Variants in SYT12 observed in about 807,000 individuals in gnomAD.
SYT12 encodes the protein synaptotagmin 12.
Under a neutral mutation model 39.5 loss-of-function variants are expected in SYT12, and 27 were observed. The observed-to-expected ratio is 0.68, with a 90% CI of 0.50 to 0.94. The LOEUF is 0.94. Ranked by LOEUF, SYT12 falls within the 40% of genes least tolerant of loss-of-function variation. The pLI is 0.00. For synonymous variants in SYT12, 233 were observed against 239.7 expected (o/e 0.97, Z 0.26); for missense variants, 536 against 572.6 (o/e 0.94, Z 0.65).
intron 7 of SYT12, among the ~76,000 whole-genome samples, chr11:67,047,565 G>A (rs1854597305): frequency 6.6e-6 from 1 of 150,584 alleles, no homozygotes; most frequent in Non-Finnish European, 1.5e-5. Flanking sequence ...ACCATGCCCA[G>A]CCAGAACAAA....
intron 1 of SYT12, chr11:67,029,902 A>G: frequency 2.0e-6 from 1 of 500,730 alleles, no homozygotes; most frequent in Non-Finnish European, 3.5e-6. Context: ...GCCACTGGGC[A>G]TCCTGTGTTT....
chr11:67,032,778 G>C, intron 2 of SYT12: 1 of 152,226 alleles, frequency 6.6e-6, no homozygotes, highest in African/African-American at 2.4e-5. Context: ...GGTGGTGGAC[G>C]CCTGTAATTC....
chr11:67,013,100 A>G (rs763804156), intron 3 of SYT12, among the ~76,000 whole-genome samples: 3 of 152,168 alleles, frequency 2.0e-5, no homozygotes, highest in African/African-American at 7.2e-5. Flanking sequence ...AGCCGGATCA[A>G]TTCAGTGTAA....
intron 6 of SYT12, among the ~76,000 whole-genome samples, chr11:67,045,213 T>C (rs1335088287): frequency 6.7e-6 from 1 of 148,238 alleles, no homozygotes; most frequent in African/African-American, 2.5e-5. Flanking sequence ...TGGAGGCAGC[T>C]GTATTCTAGA....
intron 3 of SYT12, among the ~76,000 whole-genome samples, chr11:67,015,122 T>C (rs574238626): frequency 7.9e-5 from 12 of 152,176 alleles, no homozygotes; most frequent in Admixed American, 4.6e-4. Flanking sequence ...CCCACAACAA[T>C]GGGAGATCCC....
At chr11:67,017,520 C>T (rs541863521) in intron 3 of SYT12, among the ~76,000 whole-genome samples, 4 of 152,006 alleles carry the variant, frequency 2.6e-5, no homozygotes, top group Admixed American at 6.5e-5. Context: ...CCACCACGCC[C>T]GGCTAATTTT....
chr11:67,029,163 A>G (rs1036470003), intron 1 of SYT12: 1 of 152,208 alleles, frequency 6.6e-6, no homozygotes, highest in South Asian at 2.1e-4. Context: ...GGTTCAGGTA[A>G]TGGGTTGTAC....
chr11:67,012,146 G>A (rs1391308186), intron 3 of SYT12, among the ~76,000 whole-genome samples: 4 of 151,180 alleles, frequency 2.6e-5, no homozygotes, highest in Admixed American at 1.3e-4. Context: ...CGAGGCGGGC[G>A]GATCACCTGA....
intron 2 of SYT12, 140 bp from the exon 3 acceptor site, chr11:67,034,505 G>T (rs888034351): frequency 1.5e-4 from 102 of 690,740 alleles, no homozygotes; most frequent in Non-Finnish European, 1.1e-4. Context: ...TGTATGTCTT[G>T]TTCGACATGG....
chr11:67,034,738 G>C lies in SYT12; in HGVS notation c.128G>C (p.Trp43Ser). Residue 43 changes from tryptophan to serine, a missense_variant, in exon 3 of 8, where the codon TGG (tryptophan) becomes TCG (serine). By Grantham distance (177) the Trp-to-Ser change is radical. Coordinates refer to ENST00000527043, the MANE Select transcript of SYT12 (RefSeq NM_177963.4). Reference protein sequence around the residue: ...GIAAVSLWKLWTSGSFPSPSP... With the variant: ...GIAAVSLWKLSTSGSFPSPSP... Reference sequence around the variant, plus strand: ...GCAGCTGTGAGCCTGTGGAAGCTCTGGACGTCGGGGAGCTTCCCCAGCCCC... The same window carrying C: ...GCAGCTGTGAGCCTGTGGAAGCTCTCGACGTCGGGGAGCTTCCCCAGCCCC... The C allele has an allele frequency of 6.2e-7, 1 of 1,603,924 alleles. No homozygotes were observed. The highest frequency in any genetic ancestry group is 8.5e-7 in the Non-Finnish European group (1 of 1,176,394).
At chr11:67,024,603 C>G (rs895371682) in intron 1 of SYT12, among the ~76,000 whole-genome samples, 2 of 152,282 alleles carry the variant, frequency 1.3e-5, no homozygotes, top group African/African-American at 4.8e-5. Flanking sequence ...CAGAGGGCTG[C>G]GGTGCTGAGA....
upstream of SYT12, among the ~76,000 whole-genome samples, chr11:67,022,080 A>T (rs1233444093): frequency 1.3e-5 from 2 of 151,244 alleles, no homozygotes; most frequent in East Asian, 3.9e-4. Context: ...CACCTGGCTA[A>T]TTTTTTTGTA....
chr11:67,027,287 G>C (rs1018631444), intron 1 of SYT12: 3 of 152,298 alleles, frequency 2.0e-5, no homozygotes, highest in African/African-American at 7.2e-5. Context: ...GATCATTGAG[G>C]TCAGGAGTTC....
chr11:67,046,854 C>T (rs548589384), intron 7 of SYT12, among the ~76,000 whole-genome samples: 27 of 152,202 alleles, frequency 1.8e-4, no homozygotes, highest in Non-Finnish European at 3.5e-4. Flanking sequence ...GTGAGTGCAA[C>T]GTGGTGATAT....
At chr11:67,036,399 G>A (rs1478296161) in intron 3 of SYT12, among the ~76,000 whole-genome samples, 1 of 152,224 alleles carries the variant, frequency 6.6e-6, no homozygotes, top group African/African-American at 2.4e-5. Context: ...TTGGGATAGT[G>A]TGCTTTGGAT....
chr11:67,037,959 G>T (rs565364885), intron 3 of SYT12, among the ~76,000 whole-genome samples: 3 of 150,930 alleles, frequency 2.0e-5, no homozygotes, highest in Admixed American at 1.3e-4. Context: ...GGAGAGTGAG[G>T]GGGGAGGATC....
At chr11:67,045,667 C>T (rs771322761) in intron 6 of SYT12, 77 bp from the exon 7 acceptor site, 4 of 1,566,644 alleles carry the variant, frequency 2.6e-6, no homozygotes, top group Non-Finnish European at 3.5e-6. Flanking sequence ...AGTTTGGAGT[C>T]GGTGGGTGGA....
In SYT12 at chr11:67,023,376, G is replaced by C. The variant is rs1245955578; in HGVS notation, c.-108G>C. On this transcript the variant is annotated 5_prime_UTR_variant, in exon 1 of 8. Transcript: ENST00000527043. ...GGGGTGGCGTTGCCGCCGGCGGCCG[G>C]GCTAGGCGCAGGTGCGTGCGCGCTG... 1 of 149,320 alleles carries C rather than the reference G, an allele frequency of 6.7e-6. No individual in the cohort carries two copies. Among genetic ancestry groups the C allele is most frequent in the Admixed American group, 6.7e-5 (1 of 15,008 alleles). 9.2% of individuals were successfully genotyped at this position (149,320 alleles called of 1,614,324 possible). A position where few individuals can be genotyped will look rare whatever the true frequency, so the allele number is the denominator to read the frequency against.
intron 7 of SYT12, among the ~76,000 whole-genome samples, 162 bp downstream of exon 7, chr11:67,046,039 T>G (rs541948192): frequency 3.3e-5 from 5 of 150,660 alleles, no homozygotes; most frequent in Admixed American, 2.0e-4. Context: ...AGCCCTAGGG[T>G]GGGTGCTGGG....
Sources: gnomAD v4.1 joint callset for allele counts (sites outside exome capture counted in the v4.1 genomes callset) on GRCh38, gnomAD v4.1.1 for gene constraint, MANE v1.5 for transcripts, NCBI Gene and HGNC (gene_info 2026-07-23, HGNC 2026-07-21) for gene names.